The following ABHD17C variants were observed in gnomAD, a reference collection of about 807,000 sequenced individuals.
ABHD17C encodes the protein abhydrolase domain containing 17C, depalmitoylase, also known as alpha/beta hydrolase domain-containing protein 17C.
In ABHD17C, 11 loss-of-function variants were observed where a neutral mutation model predicts 27.9. That is an observed-to-expected ratio of 0.39 (90% CI 0.25 to 0.65). The LOEUF is 0.65. Among genes scored for constraint, ABHD17C ranks in the 30% least tolerant of loss-of-function variants. The pLI, the probability that ABHD17C is intolerant of heterozygous loss-of-function variation, is 0.45. For missense variants in ABHD17C, 280 were observed against 470.2 expected, an observed-to-expected ratio of 0.60 and a Z score of 3.74; for synonymous variants, 233 against 209.1, an observed-to-expected ratio of 1.11 and a Z score of -0.98.
At chr15:80,716,739 A>G (rs78657552) in intron 1 of ABHD17C, among the ~76,000 whole-genome samples, 13,541 of 152,284 alleles carry the variant, frequency 0.089, 814 homozygotes, top group East Asian at 0.16. Flanking sequence ...TGGAGCCTCA[A>G]TAAATCCTGG....
intron 1 of ABHD17C, among the ~76,000 whole-genome samples, chr15:80,746,291 C>G (rs1174332981): frequency 6.6e-6 from 1 of 150,918 alleles, no homozygotes; most frequent in African/African-American, 2.4e-5. Context: ...AGTCAGTTGT[C>G]TTATTGATTT....
chr15:80,721,321 A>T (rs1567034053), intron 1 of ABHD17C, among the ~76,000 whole-genome samples: 1 of 150,926 alleles, frequency 6.6e-6, no homozygotes, highest in Non-Finnish European at 1.5e-5. Context: ...TAAGCCCTAT[A>T]TGCTGGTCCC....
At chr15:80,747,176 C>T (rs1401717104) in intron 1 of ABHD17C, among the ~76,000 whole-genome samples, 1 of 152,156 alleles carries the variant, frequency 6.6e-6, no homozygotes, top group East Asian at 1.9e-4. Flanking sequence ...GGAAAGAACT[C>T]ATCCCCAAAT....
intron 1 of ABHD17C, among the ~76,000 whole-genome samples, chr15:80,725,031 G>A (rs1409298281): frequency 6.6e-6 from 1 of 152,180 alleles, no homozygotes; most frequent in Non-Finnish European, 1.5e-5. Context: ...GTGTCTTACA[G>A]AGTGACCAGA....
chr15:80,695,680 C>G lies in ABHD17C; in HGVS notation c.251C>G (p.Pro84Arg). The G allele has an allele frequency of 6.8e-7, 1 of 1,479,228 alleles. No individual in the cohort carries two copies. The highest frequency in any genetic ancestry group is 2.3e-4 in the Middle Eastern group (1 of 4,340). The allele number at this position is 1,479,228 out of a possible 1,614,324, so 91.6% of individuals were successfully genotyped here. A position where few individuals can be genotyped will look rare whatever the true frequency, so the allele number is the denominator to read the frequency against. Residue 84 changes from proline to arginine, a missense_variant, in exon 1 of 3, where the codon CCC (proline) becomes CGC (arginine). By Grantham distance (103) the Pro-to-Arg change is moderately radical. Transcript: ENST00000258884. This position sits in a 1 kb window ranked among gnomAD's most constrained non-coding sequence, Gnocchi z 4.3. Reference sequence around the variant, plus strand: ...CCCGAGGAGGGCGCGGGCGCGGGGCCCGGTGCGTGCAGCCTGCACCTCAGC... The same window carrying G: ...CCCGAGGAGGGCGCGGGCGCGGGGCGCGGTGCGTGCAGCCTGCACCTCAGC... ...QQPEEGAGAG[P>R]GACSLHLSER...
intron 1 of ABHD17C, among the ~76,000 whole-genome samples, chr15:80,708,155 G>A (rs974924011): frequency 6.6e-5 from 10 of 152,020 alleles, no homozygotes; most frequent in Admixed American, 6.6e-4. Context: ...TGAATATCTG[G>A]TCAGCCACAC....
At position 80,695,908 on chromosome 15, in the gene ABHD17C, A is replaced by G. The variant is rs765312505; in HGVS notation, c.479A>G (p.Asn160Ser). Reference protein sequence around the residue: ...SFYIGLGSRINCNIFSYDYSG... With the variant: ...SFYIGLGSRISCNIFSYDYSG... ...TACATTGGCCTCGGCTCCCGCATCAACTGCAACATCTTCTCCTACGACTAC... is the reference window on the plus strand; with the variant it reads ...TACATTGGCCTCGGCTCCCGCATCAGCTGCAACATCTTCTCCTACGACTAC... Residue 160 changes from asparagine (N) to serine (S), a missense_variant, in exon 1 of 3, where the codon AAC becomes AGC. By Grantham distance (46) the Asn-to-Ser change is conservative. This residue lies in a region of ABHD17C where 206 missense variants were observed against 394.7 expected (regional missense o/e 0.52). Transcript: ENST00000258884. The surrounding 1 kb of genome is among the most constrained non-coding windows in gnomAD (Gnocchi z 4.3). 3.1e-6 allele frequency: 5 copies of G among 1,597,420 alleles called. No homozygotes were observed. The highest frequency in any genetic ancestry group is 3.4e-6 in the Non-Finnish European group (4 of 1,179,390).
intron 1 of ABHD17C, among the ~76,000 whole-genome samples, chr15:80,708,414 C>G (rs1161745908): frequency 6.6e-6 from 1 of 152,316 alleles, no homozygotes; most frequent in East Asian, 1.9e-4. Context: ...CTCCTAGGTT[C>G]AAGTGATTCT....
intron 2 of ABHD17C, among the ~76,000 whole-genome samples, chr15:80,751,618 C>T (rs987618531): frequency 1.4e-4 from 21 of 152,160 alleles, no homozygotes; most frequent in Non-Finnish European, 1.8e-4. Flanking sequence ...CATAGTGGTA[C>T]ACATCTGTAG....
intron 2 of ABHD17C, among the ~76,000 whole-genome samples, chr15:80,750,258 G>A (rs1167879893): frequency 2.6e-5 from 4 of 152,216 alleles, no homozygotes; most frequent in African/African-American, 7.2e-5. Context: ...TCGGTAAATA[G>A]CCACAGGAAT....
intron 1 of ABHD17C, among the ~76,000 whole-genome samples, chr15:80,701,652 C>T (rs1894573923): frequency 6.7e-6 from 1 of 150,076 alleles, no homozygotes; most frequent in African/African-American, 2.5e-5. Flanking sequence ...GCACTCCAGC[C>T]TGGGCGACAG....
chr15:80,733,089 A>G (rs1478989010), intron 1 of ABHD17C, among the ~76,000 whole-genome samples: 1 of 152,100 alleles, frequency 6.6e-6, no homozygotes, highest in Non-Finnish European at 1.5e-5. Context: ...GGCCGTGGAG[A>G]GGGTGCTACA....
intron 1 of ABHD17C, among the ~76,000 whole-genome samples, chr15:80,734,904 A>G (rs1301521720): frequency 6.6e-6 from 1 of 152,242 alleles, no homozygotes; most frequent in Non-Finnish European, 1.5e-5. Context: ...TACATTGATT[A>G]GCAGGTATTT....
In ABHD17C at chr15:80,695,860, A is replaced by G; in HGVS notation, c.431A>G (p.Asp144Gly). 1 of 1,595,664 alleles carries G rather than the reference A, an allele frequency of 6.3e-7. No homozygotes were observed. Among genetic ancestry groups the G allele is most frequent in the Non-Finnish European group, 8.5e-7 (1 of 1,178,694 alleles). ...CTCTTCTCGCACGGCAACGCCGTGG[A>G]CCTGGGCCAGATGTGCAGCTTCTAC... ...TLLFSHGNAV[D>G]LGQMCSFYIG... Residue 144 changes from aspartate to glycine, a missense_variant, in exon 1 of 3, where the codon GAC becomes GGC. Physicochemically the swap from Asp to Gly is moderately conservative, Grantham distance 94 (BLOSUM62 -1). Transcript: ENST00000258884. This position sits in a 1 kb window ranked among gnomAD's most constrained non-coding sequence, Gnocchi z 4.3.
At chr15:80,698,212 C>T (rs1894522172) in intron 1 of ABHD17C, among the ~76,000 whole-genome samples, 1 of 151,858 alleles carries the variant, frequency 6.6e-6, no homozygotes, top group Non-Finnish European at 1.5e-5. Flanking sequence ...CTACAGGCGC[C>T]CGCCACCGCG....
intron 1 of ABHD17C, among the ~76,000 whole-genome samples, chr15:80,745,793 T>C (rs962824936): frequency 1.1e-4 from 17 of 152,218 alleles, no homozygotes; most frequent in African/African-American, 4.1e-4. Flanking sequence ...AATAAAAATA[T>C]GAATCTTAGT....
intron 1 of ABHD17C, among the ~76,000 whole-genome samples, chr15:80,708,556 A>G (rs1218368686): frequency 5.3e-5 from 8 of 152,182 alleles, no homozygotes; most frequent in Admixed American, 4.6e-4. Context: ...AGCTCAAGCA[A>G]TCCTCCCGCC....
intron 1 of ABHD17C, among the ~76,000 whole-genome samples, chr15:80,699,030 C>T (rs1894536126): frequency 6.6e-6 from 1 of 152,204 alleles, no homozygotes; most frequent in South Asian, 2.1e-4. Flanking sequence ...CTGCTCACAT[C>T]GTCTTTTGTA....
chr15:80,705,022 A>T (rs572850298), intron 1 of ABHD17C: 1 of 152,334 alleles, frequency 6.6e-6, no homozygotes, highest in African/African-American at 2.4e-5. Context: ...TGCTGATGAG[A>T]AGTGATCTGT....
Sources: allele counts gnomAD v4.1 joint callset (sites outside exome capture counted in the v4.1 genomes callset), GRCh38; gene constraint gnomAD v4.1.1; regional missense constraint gnomAD v4.1.1; non-coding constraint Gnocchi (gnomAD v3.1); transcripts MANE v1.5; gene names NCBI Gene and HGNC (gene_info 2026-07-23, HGNC 2026-07-21).